The following ZDHHC13 variants were observed in gnomAD, a reference collection of about 807,000 sequenced individuals.
The protein encoded by ZDHHC13 is palmitoyltransferase ZDHHC13.
ZDHHC13 carries 85 observed loss-of-function variants against 86.0 expected under a neutral mutation model. That is an observed-to-expected ratio of 0.99 (90% confidence interval 0.83 to 1.18). The LOEUF (loss-of-function observed/expected upper bound fraction) is 1.18, where lower values mean the gene tolerates loss of function less well. ZDHHC13 is among the 50% of genes most tolerant of loss of function. The pLI, the probability that ZDHHC13 is intolerant of heterozygous loss-of-function variation, is 0.00. For synonymous variants in ZDHHC13, 263 were observed against 246.4 expected (o/e 1.07, Z -0.63); for missense variants, 711 against 730.2 (o/e 0.97, Z 0.30).
intron 14 of ZDHHC13, 102 bp from the exon 15 acceptor site, chr11:19,170,309 T>G: frequency 2.1e-6 from 3 of 1,453,180 alleles, no homozygotes; most frequent in Non-Finnish European, 1.8e-6. Flanking sequence ...GTGCCATACT[T>G]TCTCTTCTCC....
At position 19,176,403 on chromosome 11, in the gene ZDHHC13, A is replaced by AT. The variant is rs949709115; in HGVS notation, c.*452dup. 6 of 152,394 alleles carry AT rather than the reference A, an allele frequency of 3.9e-5. No homozygotes were observed. The highest frequency in any genetic ancestry group is 7.3e-5 in the Non-Finnish European group (5 of 68,152). The allele number at this position is 152,394 out of a possible 1,614,324, so 9.4% of individuals were successfully genotyped here. A position where few individuals can be genotyped will look rare whatever the true frequency, so the allele number is the denominator to read the frequency against. ...GTTTTGCTTTCACACTTAATAAAAAATTTTTTTTTGTAGTTGAGACTTGGT... is the reference window on the plus strand; with the variant it reads ...GTTTTGCTTTCACACTTAATAAAAAATTTTTTTTTTGTAGTTGAGACTTGGT... On this transcript the variant is annotated 3_prime_UTR_variant, in exon 17 of 17. Coordinates refer to ENST00000446113, the MANE Select transcript of ZDHHC13 (RefSeq NM_019028.3).
Position 19,166,360 on chromosome 11 carries a change from C to A in ZDHHC13, c.1449C>A (p.Gly483=), listed in dbSNP as rs750766885. The A allele has an allele frequency of 2.5e-6, 4 of 1,612,360 alleles. No homozygotes were observed. In the East Asian group the frequency reaches 6.7e-5, roughly 27 times the overall value. The change falls in exon 14 of 17, where the codon GGC becomes GGA. Residue 483 remains glycine (G), a synonymous_variant. Coordinates refer to ENST00000446113, the MANE Select transcript of ZDHHC13 (RefSeq NM_019028.3). ...TGTTTTTCCTTTCCATGGTATGTGG[C>A]TGGATTATATATGGATCTTTCATCT... is the stretch of plus-strand genomic sequence containing the variant. The part of the protein sequence containing the change: ...FFLFFLSMVC[G]WIIYGSFIYL...
chr11:19,165,217 G>A lies in ZDHHC13; in HGVS notation c.1390+72G>A, dbSNP rs79549272. On this transcript the variant is annotated intron_variant, in intron 13 of 16. Transcript: ENST00000446113. ...TTTAGTTATGACTCACAGAAAAAGT[G>A]GAAGGGCATCCTAGGGCTCCATTTT... The A allele has an allele frequency of 1.7e-3, 2,478 of 1,439,388 alleles. 34 individuals are homozygous for A. In the African/African-American group the frequency reaches 0.031, roughly 18 times the overall value. 89.2% of individuals were successfully genotyped at this position (1,439,388 alleles called of 1,614,324 possible).
chr11:19,166,441 T>G, intron 14 of ZDHHC13, 56 bp downstream of exon 14: 1 of 1,424,230 alleles, frequency 7.0e-7, no homozygotes, highest in Non-Finnish European at 9.7e-7. Context: ...TTTCTACTTT[T>G]CCTTGTAAAC....
At chr11:19,141,790 T>G (rs1280223966) in intron 1 of ZDHHC13, among the ~76,000 whole-genome samples, 4 of 151,902 alleles carry the variant, frequency 2.6e-5, no homozygotes, top group African/African-American at 9.7e-5. Context: ...CTAAGATAAT[T>G]GTTTAAAGAA....
rs1448415459 is a variant in ZDHHC13, at chr11:19,126,302, A to G, written c.27+9026A>G. On this transcript the variant is annotated intron_variant, in intron 1 of 16. Coordinates refer to ENST00000446113, the MANE Select transcript of ZDHHC13 (RefSeq NM_019028.3). ...CACCCTCCACCCTCAAGTATACCCC[A>G]GTGTCTGTTGTTCCCTTCTTCTTTT... Among the ~76,000 whole-genome samples the G allele has an allele frequency of 5.3e-5, 8 of 150,064 alleles. No individual in the cohort carries two copies. The East Asian group carries it at 5.9e-4, about 11-fold the overall frequency.
At chr11:19,129,127 C>G (rs1351731092) in intron 1 of ZDHHC13, among the ~76,000 whole-genome samples, 1 of 152,122 alleles carries the variant, frequency 6.6e-6, no homozygotes, top group Non-Finnish European at 1.5e-5. Flanking sequence ...AGTATTTTAC[C>G]TTTTTGATGC....
chr11:19,134,479 T>G (rs954860445), intron 1 of ZDHHC13, among the ~76,000 whole-genome samples: 2 of 152,132 alleles, frequency 1.3e-5, no homozygotes, highest in Non-Finnish European at 2.9e-5. Context: ...AATGACAGAC[T>G]GGATAAAGAA....
chr11:19,130,596 C>A (rs993401316), intron 1 of ZDHHC13, among the ~76,000 whole-genome samples: 2 of 152,084 alleles, frequency 1.3e-5, no homozygotes, highest in African/African-American at 4.8e-5. Context: ...GTATCCACTT[C>A]GAGTTTAATT....
chr11:19,138,492 G>A (rs2059421205), intron 1 of ZDHHC13, among the ~76,000 whole-genome samples: 1 of 151,732 alleles, frequency 6.6e-6, no homozygotes, highest in Non-Finnish European at 1.5e-5. Flanking sequence ...GTACAAGGAG[G>A]AACTGGTACC....
chr11:19,170,375 C>CTTTTTTTGT, intron 14 of ZDHHC13, 36 bp from the exon 15 acceptor site: 1 of 1,234,828 alleles, frequency 8.1e-7, no homozygotes. Flanking sequence ...AGTTTATTGC[C>CTTTTTTTGT]TTTTTTTTTT....
At position 19,117,242 on chromosome 11, in the gene ZDHHC13, C is replaced by T. The variant is rs906304796; in HGVS notation, c.-8C>T. 4.6e-6 allele frequency: 7 copies of T among 1,519,170 alleles called. No individual in the cohort carries two copies. The highest frequency in any genetic ancestry group is 1.4e-5 in the African/African-American group (1 of 71,302). The allele number at this position is 1,519,170 out of a possible 1,614,324, so 94.1% of individuals were successfully genotyped here. A position where few individuals can be genotyped will look rare whatever the true frequency, so the allele number is the denominator to read the frequency against. On this transcript the variant is annotated 5_prime_UTR_variant, in exon 1 of 17. Transcript: ENST00000446113. The surrounding 1 kb of genome is among the most constrained non-coding windows in gnomAD (Gnocchi z 4.2). The stretch of plus-strand genomic sequence containing the variant: ...TAGTAGCCTCAGCCGCTGTGGGCTC[C>T]TGGGGAGATGGAGGGGCCGGGGCTG...
At chr11:19,158,393 A>G (rs72904126) in intron 9 of ZDHHC13, among the ~76,000 whole-genome samples, 15,419 of 152,084 alleles carry the variant, frequency 0.1, 1,066 homozygotes, top group Non-Finnish European at 0.14. Flanking sequence ...TGTTCTGAAT[A>G]CTAGTATCAT....
chr11:19,120,795 C>CA (rs1286874755), intron 1 of ZDHHC13, among the ~76,000 whole-genome samples: 1 of 151,564 alleles, frequency 6.6e-6, no homozygotes, highest in African/African-American at 2.4e-5. Context: ...ACAAAAACAA[C>CA]AAAAAAACCA....
At chr11:19,143,188 G>T (rs191677778) in intron 2 of ZDHHC13, 65 bp downstream of exon 2, 234 of 1,499,000 alleles carry the variant, frequency 1.6e-4, no homozygotes, top group Non-Finnish European at 1.9e-4. Flanking sequence ...TATATGTGTA[G>T]TTCATGGAGC....
intron 3 of ZDHHC13, 79 bp from the exon 4 acceptor site, chr11:19,147,517 A>G (rs1359830540): frequency 6.5e-6 from 8 of 1,232,510 alleles, no homozygotes; most frequent in African/African-American, 1.5e-5. Context: ...ATTTATTACT[A>G]TGAAAAAATT....
chr11:19,171,185 G>A (rs1850211541), intron 15 of ZDHHC13, among the ~76,000 whole-genome samples: 1 of 152,174 alleles, frequency 6.6e-6, no homozygotes. Flanking sequence ...CCATTAGAAA[G>A]TTCAAGCTCC....
intron 15 of ZDHHC13, among the ~76,000 whole-genome samples, chr11:19,171,761 G>T (rs977852247): frequency 4.6e-5 from 7 of 152,114 alleles, no homozygotes; most frequent in Admixed American, 3.3e-4. Context: ...TTAGAAAAAG[G>T]TCAATAAGGC....
chr11:19,151,686 C>T (rs576966634), intron 6 of ZDHHC13, among the ~76,000 whole-genome samples: 97 of 152,044 alleles, frequency 6.4e-4, no homozygotes, highest in Non-Finnish European at 1.2e-3. Context: ...TCTTCTAGTC[C>T]GTAACTTTCT....
Sources: gnomAD v4.1 joint callset for allele counts (sites outside exome capture counted in the v4.1 genomes callset) on GRCh38, gnomAD v4.1.1 for gene constraint, Gnocchi (gnomAD v3.1) non-coding constraint, MANE v1.5 for transcripts, NCBI Gene and HGNC (gene_info 2026-07-23, HGNC 2026-07-21) for gene names.